CADM2: variants seen among roughly 807,000 people sequenced by gnomAD.
CADM2 encodes the protein immunoglobulin superfamily member 4D.
A neutral mutation model predicts 49.8 loss-of-function variants in CADM2; 12 were observed. The observed-to-expected ratio is 0.24, with a 90% CI of 0.15 to 0.39. CADM2 has a LOEUF of 0.39. Among genes scored for constraint, CADM2 ranks in the 10% least tolerant of loss-of-function variants. CADM2 has a pLI of 1.00. For missense variants in CADM2, 378 were observed against 492.3 expected, an observed-to-expected ratio of 0.77 and a Z score of 2.20; for synonymous variants, 214 against 175.4, an observed-to-expected ratio of 1.22 and a Z score of -1.74.
intron 1 of CADM2, among the ~76,000 whole-genome samples, chr3:85,638,058 A>G (rs575282357): frequency 6.6e-6 from 1 of 152,278 alleles, no homozygotes; most frequent in South Asian, 2.1e-4. Context: ...CCCTTTCAAG[A>G]CACAAATTCC....
rs189518376 is a variant in CADM2 at position 85,393,528 on chromosome 3, T to C, written c.62-332994T>C. 1.4e-3 allele frequency among the ~76,000 whole-genome samples: 212 copies of C among 152,274 alleles called. 2 individuals are homozygous for C. The highest frequency in any genetic ancestry group is 4.8e-3 in the African/African-American group (201 of 41,558). On this transcript the variant is annotated intron_variant, in intron 1 of 9. Coordinates refer to ENST00000383699, the MANE Select transcript of CADM2 (RefSeq NM_001167675.2). Reference sequence around the variant, plus strand: ...TTCTGAGACATAAATTATCTTAAAGTTATAAGCTCTGGGATTCCAGAAGTT... The same window carrying C: ...TTCTGAGACATAAATTATCTTAAAGCTATAAGCTCTGGGATTCCAGAAGTT...
At chr3:85,832,906 G>C (rs571921600) in intron 3 of CADM2, among the ~76,000 whole-genome samples, 2 of 151,872 alleles carry the variant, frequency 1.3e-5, no homozygotes, top group Non-Finnish European at 2.9e-5. Flanking sequence ...AATGCTTCCA[G>C]CTTCCGCTCA....
At chr3:86,065,153 A>G (rs531770457) in intron 8 of CADM2, among the ~76,000 whole-genome samples, 13 of 152,298 alleles carry the variant, frequency 8.5e-5, no homozygotes, top group Non-Finnish European at 1.2e-4. Context: ...TGAATTAGTC[A>G]ATTTCCATAG....
At chr3:85,716,734 C>T (rs2067307242) in intron 1 of CADM2, among the ~76,000 whole-genome samples, 1 of 152,168 alleles carries the variant, frequency 6.6e-6, no homozygotes, top group African/African-American at 2.4e-5. Context: ...GTTTTCCCAA[C>T]ACCATTTATT....
intron 1 of CADM2, among the ~76,000 whole-genome samples, chr3:85,011,012 T>C (rs181367983): frequency 0.043 from 6,507 of 151,466 alleles, 177 homozygotes; most frequent in African/African-American, 0.061. Flanking sequence ...TACAGGCGCC[T>C]GCCACCACGC....
intron 5 of CADM2, among the ~76,000 whole-genome samples, chr3:85,892,608 C>T (rs1028070438): frequency 1.3e-5 from 2 of 152,154 alleles, no homozygotes; most frequent in Non-Finnish European, 2.9e-5. Flanking sequence ...TGCCTTTGCT[C>T]CTCCTTCACC....
chr3:86,032,632 T>G (rs565440415), intron 8 of CADM2, among the ~76,000 whole-genome samples: 1 of 151,990 alleles, frequency 6.6e-6, no homozygotes, highest in African/African-American at 2.4e-5. Flanking sequence ...AATGCAGGTT[T>G]ATTATTAGAT....
chr3:85,728,456 T>C (rs1399456281), intron 2 of CADM2, among the ~76,000 whole-genome samples: 2 of 152,112 alleles, frequency 1.3e-5, no homozygotes, highest in Non-Finnish European at 1.5e-5. Flanking sequence ...TGAAGAAAGA[T>C]ATATATTATG....
rs55828478 is a variant in CADM2, at chr3:85,097,883, C to T, written c.61+138215C>T. Among the ~76,000 whole-genome samples the T allele has an allele frequency of 3.0e-3, 462 of 152,214 alleles. 2 individuals are homozygous for T. The highest frequency in any genetic ancestry group is 4.9e-3 in the Non-Finnish European group (331 of 68,016). Reference sequence around the variant, plus strand: ...CATAGTAGTCCTCAGTTTTACTTTCCGTCAGAATCAGGTGGTGTGCTTGTT... The same window carrying T: ...CATAGTAGTCCTCAGTTTTACTTTCTGTCAGAATCAGGTGGTGTGCTTGTT... On this transcript the variant is annotated intron_variant, in intron 1 of 9. Coordinates refer to ENST00000383699, the MANE Select transcript of CADM2 (RefSeq NM_001167675.2).
At chr3:85,752,325 G>A (rs1397499923) in intron 2 of CADM2, among the ~76,000 whole-genome samples, 2 of 152,076 alleles carry the variant, frequency 1.3e-5, no homozygotes, top group African/African-American at 2.4e-5. Context: ...AAGCCTCCCA[G>A]GGCAGAAACA....
At chr3:85,048,793 A>C (rs1452667856) in intron 1 of CADM2, among the ~76,000 whole-genome samples, 2 of 152,160 alleles carry the variant, frequency 1.3e-5, no homozygotes, top group Non-Finnish European at 2.9e-5. Context: ...GAAACATAAA[A>C]AGATATACCA....
intron 6 of CADM2, among the ~76,000 whole-genome samples, chr3:85,918,072 C>G (rs1718607866): frequency 1.3e-5 from 2 of 152,092 alleles, no homozygotes; most frequent in African/African-American, 4.8e-5. Flanking sequence ...ATGGGGTTTT[C>G]TAGATATACA....
chr3:85,930,762 T>C (rs1313806095), intron 6 of CADM2, among the ~76,000 whole-genome samples: 2 of 151,996 alleles, frequency 1.3e-5, no homozygotes, highest in African/African-American at 4.8e-5. Context: ...TCCAGTTCCA[T>C]CCATGTTGTT....
At chr3:85,967,867 A>G (rs1326825860) in intron 8 of CADM2, among the ~76,000 whole-genome samples, 3 of 151,598 alleles carry the variant, frequency 2.0e-5, no homozygotes, top group Non-Finnish European at 3.0e-5. Context: ...AGCCTGGATT[A>G]TGGACAGATG....
chr3:84,964,218 T>C (rs918147852), intron 1 of CADM2, among the ~76,000 whole-genome samples: 1 of 152,212 alleles, frequency 6.6e-6, no homozygotes, highest in Non-Finnish European at 1.5e-5. Context: ...GAATGTCATT[T>C]TTCTTAAAGA....
At chr3:85,616,820 G>A (rs760900318) in intron 1 of CADM2, among the ~76,000 whole-genome samples, 5 of 152,098 alleles carry the variant, frequency 3.3e-5, no homozygotes, top group Admixed American at 6.6e-5. Flanking sequence ...CATTGGATAC[G>A]AAGAGGGGAA....
At chr3:85,035,056 C>A (rs1225494192) in intron 1 of CADM2, among the ~76,000 whole-genome samples, 2 of 151,946 alleles carry the variant, frequency 1.3e-5, no homozygotes, top group African/African-American at 4.8e-5. Flanking sequence ...CCGCCTTGGC[C>A]TCCCAAATTA....
At chr3:85,959,460 T>C (rs958615347) in intron 7 of CADM2, among the ~76,000 whole-genome samples, 1 of 151,890 alleles carries the variant, frequency 6.6e-6, no homozygotes, top group African/African-American at 2.4e-5. Flanking sequence ...TTCCAACCTG[T>C]ATTTACCCAG....
intron 1 of CADM2, among the ~76,000 whole-genome samples, chr3:85,412,523 C>T (rs1335637245): frequency 8.8e-6 from 1 of 113,418 alleles, no homozygotes; most frequent in Non-Finnish European, 1.9e-5. Flanking sequence ...ATCCTAGGTC[C>T]TATGTAATTC....
Sources: allele counts gnomAD v4.1 joint callset (sites outside exome capture counted in the v4.1 genomes callset), GRCh38; gene constraint gnomAD v4.1.1; transcripts MANE v1.5; gene names NCBI Gene and HGNC (gene_info 2026-07-23, HGNC 2026-07-21).